UNC5D: variants seen among roughly 807,000 people sequenced by gnomAD.
The protein encoded by UNC5D is unc-5 netrin receptor D.
Under a neutral mutation model 105.4 loss-of-function variants are expected in UNC5D, and 39 were observed. That is an observed-to-expected ratio of 0.37 (90% confidence interval 0.29 to 0.48). UNC5D has a LOEUF of 0.48. Among genes scored for constraint, UNC5D ranks in the 20% least tolerant of loss-of-function variants. The pLI is 0.98. For synonymous variants in UNC5D, 452 were observed against 450.4 expected, an observed-to-expected ratio of 1.00 and a Z score of -0.04; for missense variants, 991 against 1,202.4, an observed-to-expected ratio of 0.82 and a Z score of 2.60.
chr8:35,717,677 A>T (rs897405133), intron 8 of UNC5D, among the ~76,000 whole-genome samples: 4 of 152,188 alleles, frequency 2.6e-5, no homozygotes, highest in African/African-American at 9.7e-5. Context: ...AACAACCCTC[A>T]TTGTAGAAAA....
chr8:35,297,104 G>T (rs1807548350), intron 1 of UNC5D, among the ~76,000 whole-genome samples: 1 of 152,136 alleles, frequency 6.6e-6, no homozygotes, highest in African/African-American at 2.4e-5. Context: ...TGCCTTCATT[G>T]AGTACCACAG....
At chr8:35,308,233 A>G (rs1808592288) in intron 1 of UNC5D, among the ~76,000 whole-genome samples, 1 of 151,722 alleles carries the variant, frequency 6.6e-6, no homozygotes, top group South Asian at 2.1e-4. Context: ...TCAAGGAGGT[A>G]TTCTGTCAGC....
At chr8:35,740,657 C>A (rs1289769773) in intron 11 of UNC5D, among the ~76,000 whole-genome samples, 1 of 152,188 alleles carries the variant, frequency 6.6e-6, no homozygotes, top group East Asian at 1.9e-4. Flanking sequence ...CCCATGCCGA[C>A]ATTTTAATTT....
At chr8:35,325,432 G>C (rs1810076311) in intron 1 of UNC5D, among the ~76,000 whole-genome samples, 1 of 152,166 alleles carries the variant, frequency 6.6e-6, no homozygotes, top group African/African-American at 2.4e-5. Flanking sequence ...AGAAAAGTAA[G>C]ATTGAAAAAC....
At chr8:35,397,597 C>G (rs1170064450) in intron 1 of UNC5D, among the ~76,000 whole-genome samples, 3 of 152,194 alleles carry the variant, frequency 2.0e-5, no homozygotes, top group Non-Finnish European at 4.4e-5. Flanking sequence ...TGCTTTTCAG[C>G]TGGTCTTTGC....
At chr8:35,724,249 A>T (rs1828738505) in intron 9 of UNC5D, 1 of 1,532,212 alleles carries the variant, frequency 6.5e-7, no homozygotes, top group African/African-American at 1.4e-5. Context: ...TTTTATTTTT[A>T]GCCAAGAATA....
At chr8:35,436,659 A>T (rs1020623836) in intron 1 of UNC5D, among the ~76,000 whole-genome samples, 23 of 152,110 alleles carry the variant, frequency 1.5e-4, no homozygotes, top group African/African-American at 4.8e-4. Context: ...CTAATCAAAA[A>T]CTGTATTCTG....
intron 4 of UNC5D, among the ~76,000 whole-genome samples, chr8:35,641,871 G>T (rs1013716452): frequency 2.6e-5 from 4 of 152,054 alleles, no homozygotes; most frequent in Non-Finnish European, 4.4e-5. Context: ...TAAATAAAAA[G>T]GGCTGGCACA....
chr8:35,676,761 G>A (rs1210553401), intron 4 of UNC5D, among the ~76,000 whole-genome samples: 1 of 152,158 alleles, frequency 6.6e-6, no homozygotes, highest in African/African-American at 2.4e-5. Flanking sequence ...GATGGTTGAG[G>A]AAAATGATTT....
At chr8:35,773,915 G>T (rs1294539903) in intron 15 of UNC5D, among the ~76,000 whole-genome samples, 1 of 152,000 alleles carries the variant, frequency 6.6e-6, no homozygotes, top group Non-Finnish European at 1.5e-5. Context: ...GTAGAGATGG[G>T]GTTTCACCCT....
intron 1 of UNC5D, among the ~76,000 whole-genome samples, chr8:35,461,726 G>C (rs956378962): frequency 2.0e-5 from 3 of 152,182 alleles, no homozygotes; most frequent in African/African-American, 4.8e-5. Context: ...TGGGGACTCT[G>C]CTTCTCCAGG....
intron 3 of UNC5D, among the ~76,000 whole-genome samples, chr8:35,581,180 C>T (rs1345848060): frequency 6.6e-6 from 1 of 152,150 alleles, no homozygotes; most frequent in African/African-American, 2.4e-5. Context: ...AATCTTCTGT[C>T]CAGATTCCTT....
intron 4 of UNC5D, among the ~76,000 whole-genome samples, chr8:35,599,223 G>A (rs1819684388): frequency 6.6e-6 from 1 of 151,782 alleles, no homozygotes; most frequent in South Asian, 2.1e-4. Flanking sequence ...TGCGGAGATG[G>A]GGAGAGGTTG....
intron 1 of UNC5D, among the ~76,000 whole-genome samples, chr8:35,292,436 A>C (rs1353689175): frequency 6.6e-6 from 1 of 152,166 alleles, no homozygotes; most frequent in Non-Finnish European, 1.5e-5. Context: ...CTAGCAGAAA[A>C]ATTTTGTTCT....
intron 16 of UNC5D, among the ~76,000 whole-genome samples, chr8:35,776,689 C>G (rs1802261275): frequency 6.6e-6 from 1 of 152,136 alleles, no homozygotes; most frequent in Non-Finnish European, 1.5e-5. Flanking sequence ...TTCATATAAC[C>G]TATTTCATAG....
chr8:35,729,851 C>G (rs1829092552), intron 10 of UNC5D, among the ~76,000 whole-genome samples: 1 of 152,172 alleles, frequency 6.6e-6, no homozygotes, highest in Non-Finnish European at 1.5e-5. Context: ...ATTCTTAGTG[C>G]TGGTGAAAGA....
chr8:35,440,944 C>T (rs1252957423), intron 1 of UNC5D, among the ~76,000 whole-genome samples: 1 of 151,910 alleles, frequency 6.6e-6, no homozygotes, highest in African/African-American at 2.4e-5. Flanking sequence ...AGGGACCAGA[C>T]TGTATCTACT....
Position 35,378,671 on chromosome 8 carries a change from C to G in UNC5D, c.103+142784C>G, listed in dbSNP as rs557823847. 5.3e-5 allele frequency among the ~76,000 whole-genome samples: 8 copies of G among 152,216 alleles called. No individual in the cohort carries two copies. In the East Asian group the frequency reaches 1.5e-3, roughly 29 times the overall value. ...GCCATGTGGCCACACAGACATGGTG[C>G]CTACACCATCAATCCATTAGTTTTA... On this transcript the variant is annotated intron_variant, in intron 1 of 16. Coordinates refer to ENST00000404895, the MANE Select transcript of UNC5D (RefSeq NM_080872.4).
At chr8:35,564,177 G>A (rs1197835902) in intron 2 of UNC5D, among the ~76,000 whole-genome samples, 1 of 151,682 alleles carries the variant, frequency 6.6e-6, no homozygotes, top group Non-Finnish European at 1.5e-5. Context: ...TTTGAGACTT[G>A]TTTTGTGGCC....
Sources: gnomAD v4.1 joint callset for allele counts (sites outside exome capture counted in the v4.1 genomes callset) on GRCh38, gnomAD v4.1.1 for gene constraint, MANE v1.5 for transcripts, NCBI Gene and HGNC (gene_info 2026-07-23, HGNC 2026-07-21) for gene names.